HEATR6: variants seen among roughly 807,000 people sequenced by gnomAD.
HEATR6 encodes the protein HEAT repeat containing 6, also known as HEAT repeat-containing protein 6.
In HEATR6, 106 loss-of-function variants were observed where a neutral mutation model predicts 132.8. That is an observed-to-expected ratio of 0.80 (90% CI 0.68 to 0.94). The LOEUF (loss-of-function observed/expected upper bound fraction) is 0.94. Among genes scored for constraint, HEATR6 ranks in the 40% least tolerant of loss-of-function variants. HEATR6 has a pLI of 0.00. For synonymous variants in HEATR6, 529 were observed against 537.8 expected (o/e 0.98, Z 0.23); for missense variants, 1,339 against 1,425.1 (o/e 0.94, Z 0.97).
intron 13 of HEATR6, 137 bp downstream of exon 13, chr17:60,055,978 C>T: frequency 9.5e-7 from 1 of 1,055,736 alleles, no homozygotes; most frequent in Non-Finnish European, 1.3e-6. Flanking sequence ...TACCTGAAAT[C>T]TCTTTAAGAA....
At chr17:60,055,123 A>G (rs533213878) in intron 14 of HEATR6, among the ~76,000 whole-genome samples, 1 of 152,104 alleles carries the variant, frequency 6.6e-6, no homozygotes, top group Non-Finnish European at 1.5e-5. Context: ...GCCATATGAC[A>G]TGCCTGCTCC....
intron 11 of HEATR6, 109 bp from the exon 12 acceptor site, chr17:60,057,512 C>A: frequency 1.5e-6 from 1 of 684,428 alleles, no homozygotes; most frequent in South Asian, 1.9e-5. Context: ...TAACCTGAAT[C>A]TAATCAAACT....
chr17:60,057,951 T>C (rs1456060736), intron 11 of HEATR6, among the ~76,000 whole-genome samples: 1 of 152,226 alleles, frequency 6.6e-6, no homozygotes, highest in Non-Finnish European at 1.5e-5. Context: ...CTGGGCTCTC[T>C]ATTCTGTTCC....
Position 60,043,998 on chromosome 17 carries a change from G to A in HEATR6, c.3111C>T (p.Asp1037=), listed in dbSNP as rs1256382599. ...ATGCATTCCAGATCCGAGCATACTG[G>A]TCAACAGACCCGTACTGCTCTCTCT... ...PGKREQYGSV[D]QYARIWNALV... is the part of the protein sequence containing the mutation. Residue 1037 remains aspartate, a synonymous_variant, in exon 20 of 20, where the codon GAC becomes GAT. Coordinates refer to ENST00000184956, the MANE Select transcript of HEATR6 (RefSeq NM_022070.5). 10 of 1,613,996 alleles carry A rather than the reference G, an allele frequency of 6.2e-6. No homozygotes were observed. Among genetic ancestry groups the A allele is most frequent in the Non-Finnish European group, 8.5e-6 (10 of 1,180,046 alleles).
rs531798720 is a variant in HEATR6 at position 60,050,641 on chromosome 17, A to C, written c.2424+202T>G. 5.9e-5 allele frequency among the ~76,000 whole-genome samples: 9 copies of C among 152,268 alleles called. No individual in the cohort carries two copies. In the South Asian group the frequency reaches 8.3e-4, roughly 14 times the overall value. On this transcript the variant is annotated intron_variant, in intron 15 of 19. Transcript: ENST00000184956. ...CTCTACCACCTACACTCTCATGCAC[A>C]GGGGGAAACAGCTTTCCTGATATAT...
chr17:60,070,028 G>A (rs1270967617), intron 6 of HEATR6, among the ~76,000 whole-genome samples, 180 bp from the exon 7 acceptor site: 3 of 152,170 alleles, frequency 2.0e-5, no homozygotes, highest in East Asian at 3.8e-4. Context: ...TGAAGGCATA[G>A]GGCTTAAAGA....
chr17:60,057,894 T>C (rs1906805612), intron 11 of HEATR6, among the ~76,000 whole-genome samples: 1 of 152,202 alleles, frequency 6.6e-6, no homozygotes, highest in Non-Finnish European at 1.5e-5. Flanking sequence ...GAAAAGTATC[T>C]GCTCCTTTGT....
chr17:60,069,288 T>G lies in HEATR6; in HGVS notation c.939+423A>C, dbSNP rs552286577. On this transcript the variant is annotated intron_variant, in intron 7 of 19. Transcript: ENST00000184956. The stretch of plus-strand genomic sequence containing the variant: ...CACAGCCTGCTTCTGTAAATAAAAT[T>G]TTAGTGAAACACAGTCATGCCCATT... Among the ~76,000 whole-genome samples, 4 of 152,344 alleles carry G rather than the reference T, an allele frequency of 2.6e-5. No homozygotes were observed. In the East Asian group the frequency reaches 7.7e-4, roughly 29 times the overall value.
intron 13 of HEATR6, 117 bp from the exon 14 acceptor site, chr17:60,055,718 C>T: frequency 1.6e-6 from 1 of 613,768 alleles, no homozygotes; most frequent in East Asian, 2.9e-5. Context: ...TCGAGTAACA[C>T]CTTCACTCGA....
chr17:60,052,871 A>AC (rs1415883499), intron 14 of HEATR6, among the ~76,000 whole-genome samples: 7 of 152,170 alleles, frequency 4.6e-5, no homozygotes, highest in African/African-American at 1.7e-4. Context: ...GGACACGGGT[A>AC]ACGGAATTAC....
In HEATR6 at chr17:60,043,763, C is replaced by T. The variant is rs1453360916; in HGVS notation, c.3346G>A (p.Gly1116Arg). ...ILQFLKSGAEGDDTGAPHSPQ... is the reference protein window; with the variant it reads ...ILQFLKSGAERDDTGAPHSPQ... ...CTGTGGGGTGCTCCAGTGTCATCTC[C>T]CTCTGCTCCTGATTTTAAAAACTGT... is the stretch of plus-strand genomic sequence containing the variant. The change falls in exon 20 of 20, where the codon GGA becomes AGA. Residue 1116 changes from glycine (G) to arginine (R), a missense_variant. Gly to Arg is a moderately radical substitution (Grantham distance 125). Transcript: ENST00000184956. The T allele has an allele frequency of 6.2e-7, 1 of 1,614,166 alleles. No homozygotes were observed. The highest frequency in any genetic ancestry group is 1.1e-5 in the South Asian group (1 of 91,084).
chr17:60,053,489 C>T (rs749014182), intron 14 of HEATR6, among the ~76,000 whole-genome samples: 1 of 152,166 alleles, frequency 6.6e-6, no homozygotes, highest in Non-Finnish European at 1.5e-5. Context: ...GAACTTGGTA[C>T]TGGGCAGAGG....
At position 60,043,387 on chromosome 17, in the gene HEATR6, T is replaced by C. The variant is rs1906249715; in HGVS notation, c.*176A>G. 1 of 614,046 alleles carries C rather than the reference T, an allele frequency of 1.6e-6. No homozygotes were observed. Among genetic ancestry groups the C allele is most frequent in the Non-Finnish European group, 2.9e-6 (1 of 350,350 alleles). The allele number at this position is 614,046 out of a possible 1,614,324, so 38.0% of individuals were successfully genotyped here. A position where few individuals can be genotyped will look rare whatever the true frequency, so the allele number is the denominator to read the frequency against. On this transcript the variant is annotated 3_prime_UTR_variant, in exon 20 of 20. Coordinates refer to ENST00000184956, the MANE Select transcript of HEATR6 (RefSeq NM_022070.5). ...ACAACCCTGACCATGGCCAGTGCTATGGAGTCACTCCAAAGGTGGTTGAGC... is the reference window on the plus strand; with the variant it reads ...ACAACCCTGACCATGGCCAGTGCTACGGAGTCACTCCAAAGGTGGTTGAGC...
intron 7 of HEATR6, among the ~76,000 whole-genome samples, chr17:60,068,544 C>T (rs1436603316): frequency 6.7e-6 from 1 of 148,280 alleles, no homozygotes; most frequent in Non-Finnish European, 1.5e-5. Flanking sequence ...CTATTGCCTA[C>T]GAGATAAAAA....
chr17:60,073,247 G>C lies in HEATR6; in HGVS notation c.501C>G (p.Leu167=), dbSNP rs2083278683. Reference sequence around the variant, plus strand: ...GAGCCAAGTCACTCAACTTCATTAAGAGTCCGGTGTTGCCTAGCAGCTCTG... The same window carrying C: ...GAGCCAAGTCACTCAACTTCATTAACAGTCCGGTGTTGCCTAGCAGCTCTG... ...YLPELLGNTG[L]LMKLSDLAQS... is the part of the protein sequence containing the mutation. The change falls in exon 4 of 20, where the codon CTC becomes CTG. Residue 167 remains leucine (L), a synonymous_variant. Coordinates refer to ENST00000184956, the MANE Select transcript of HEATR6 (RefSeq NM_022070.5). 4 of 1,613,562 alleles carry C rather than the reference G, an allele frequency of 2.5e-6. No homozygotes were observed. The highest frequency in any genetic ancestry group is 3.4e-6 in the Non-Finnish European group (4 of 1,179,520).
Position 60,067,651 on chromosome 17 carries a change from C to T in HEATR6, c.1021G>A (p.Glu341Lys). 1 of 1,613,214 alleles carries T rather than the reference C, an allele frequency of 6.2e-7. No homozygotes were observed. The highest frequency in any genetic ancestry group is 1.7e-4 in the Middle Eastern group (1 of 6,054). Residue 341 changes from glutamate to lysine, a missense_variant, in exon 8 of 20, where the codon GAG (glutamate) becomes AAG (lysine). By Grantham distance (56) the Glu-to-Lys change is moderately conservative. Coordinates refer to ENST00000184956, the MANE Select transcript of HEATR6 (RefSeq NM_022070.5). ...CCTGTGCCAGTGACTGGGGCTGCCTCTATTTCACCACTGGATTCCTTTTCC... is the reference window on the plus strand; with the variant it reads ...CCTGTGCCAGTGACTGGGGCTGCCTTTATTTCACCACTGGATTCCTTTTCC... Reference protein sequence around the residue: ...EEEKESSGEIEAAPVTGTGRV... With the variant: ...EEEKESSGEIKAAPVTGTGRV...
At chr17:60,047,112 G>T (rs1418362741) in intron 18 of HEATR6, among the ~76,000 whole-genome samples, 197 bp downstream of exon 18, 1 of 152,022 alleles carries the variant, frequency 6.6e-6, no homozygotes, top group African/African-American at 2.4e-5. Flanking sequence ...TATTTTTCAG[G>T]AGGCAGGAGA....
At chr17:60,048,453 A>C in intron 16 of HEATR6, 65 bp from the exon 17 acceptor site, 20 of 1,462,164 alleles carry the variant, frequency 1.4e-5, no homozygotes, top group Non-Finnish European at 1.8e-5. Context: ...TGAAATTCTC[A>C]CTTATTTTCA....
chr17:60,067,194 C>T (rs983190818), intron 8 of HEATR6, among the ~76,000 whole-genome samples: 2 of 146,790 alleles, frequency 1.4e-5, no homozygotes, highest in South Asian at 2.2e-4. Context: ...GGCGTGAACC[C>T]GGGAGGCGGA....
Sources: gnomAD v4.1 joint callset for allele counts (sites outside exome capture counted in the v4.1 genomes callset) on GRCh38, gnomAD v4.1.1 for gene constraint, MANE v1.5 for transcripts, NCBI Gene and HGNC (gene_info 2026-07-23, HGNC 2026-07-21) for gene names.